Variants in SPOCK1 observed in about 807,000 individuals in gnomAD.
SPOCK1 encodes SPARC (osteonectin), cwcv and kazal like domains proteoglycan 1.
A neutral mutation model predicts 55.3 loss-of-function variants in SPOCK1; 23 were observed. The observed-to-expected ratio is 0.42, with a 90% CI of 0.30 to 0.59. The LOEUF (loss-of-function observed/expected upper bound fraction) is 0.59, where lower values mean the gene tolerates loss of function less well. Among genes scored for constraint, SPOCK1 ranks in the 20% least tolerant of loss-of-function variants. The probability of loss-of-function intolerance (pLI) is 0.22; values close to 1 mark genes in which losing one functional copy is unlikely to be tolerated. For synonymous variants in SPOCK1, 226 were observed against 221.0 expected (o/e 1.02, Z -0.20); for missense variants, 499 against 552.5 (o/e 0.90, Z 0.97).
chr5:137,138,158 T>C (rs768759301), intron 4 of SPOCK1, among the ~76,000 whole-genome samples: 1 of 152,194 alleles, frequency 6.6e-6, no homozygotes, highest in Non-Finnish European at 1.5e-5. Flanking sequence ...CAAGGCCACT[T>C]GGAAAAGGAA....
chr5:137,465,578 A>G (rs1325918609), intron 2 of SPOCK1, among the ~76,000 whole-genome samples: 2 of 152,056 alleles, frequency 1.3e-5, no homozygotes, highest in Non-Finnish European at 2.9e-5. Flanking sequence ...TGCAATACAA[A>G]GTCTGATCTG....
intron 3 of SPOCK1, among the ~76,000 whole-genome samples, chr5:137,181,195 T>A (rs1458767817): frequency 6.6e-6 from 1 of 151,874 alleles, no homozygotes; most frequent in Non-Finnish European, 1.5e-5. Flanking sequence ...TTCCAACAGG[T>A]AGCAATGAGA....
intron 3 of SPOCK1, among the ~76,000 whole-genome samples, chr5:137,160,703 C>CA (rs1302154694): frequency 3.8e-4 from 45 of 117,252 alleles, no homozygotes; most frequent in African/African-American, 1.4e-3. Flanking sequence ...TGGCCATAAT[C>CA]AAAAAATCAA....
At chr5:137,039,697 G>A (rs1372968829) in intron 6 of SPOCK1, among the ~76,000 whole-genome samples, 1 of 152,204 alleles carries the variant, frequency 6.6e-6, no homozygotes, top group African/African-American at 2.4e-5. Context: ...TCAGAGCCCT[G>A]TGTATGATTT....
chr5:137,161,030 T>A (rs1271553957), intron 3 of SPOCK1, among the ~76,000 whole-genome samples: 19 of 143,392 alleles, frequency 1.3e-4, no homozygotes, highest in South Asian at 4.4e-4. Context: ...ATATATATAT[T>A]ACATATATTT....
chr5:137,239,067 G>T (rs1176873334), intron 3 of SPOCK1, among the ~76,000 whole-genome samples: 1 of 152,212 alleles, frequency 6.6e-6, no homozygotes, highest in East Asian at 1.9e-4. Context: ...GGTTTCCAGA[G>T]GAGCCAACCA....
chr5:137,347,694 G>A (rs931252658), intron 2 of SPOCK1, among the ~76,000 whole-genome samples: 4 of 152,040 alleles, frequency 2.6e-5, no homozygotes, highest in African/African-American at 7.3e-5. Flanking sequence ...TCCAGTCTGG[G>A]CAACAGGGCA....
chr5:137,250,244 C>A (rs766833741), intron 3 of SPOCK1, among the ~76,000 whole-genome samples: 1 of 152,182 alleles, frequency 6.6e-6, no homozygotes, highest in African/African-American at 2.4e-5. Context: ...TGTTGCAGCA[C>A]ATATGGACCC....
At chr5:137,315,177 T>C (rs1757856926) in intron 2 of SPOCK1, among the ~76,000 whole-genome samples, 1 of 152,186 alleles carries the variant, frequency 6.6e-6, no homozygotes, top group Non-Finnish European at 1.5e-5. Flanking sequence ...TAGCTAAAAA[T>C]CCATCTCCTT....
intron 3 of SPOCK1, among the ~76,000 whole-genome samples, chr5:137,263,843 CTTAAAGATAACAAG>C (rs1756797829): frequency 6.6e-6 from 1 of 152,132 alleles, no homozygotes; most frequent in South Asian, 2.1e-4. Context: ...TAAAGATTCA[CTTAAAGATAACAAG>C]TTAAAGACAT....
chr5:137,125,518 A>G (rs912777297), intron 4 of SPOCK1, among the ~76,000 whole-genome samples: 1 of 152,174 alleles, frequency 6.6e-6, no homozygotes, highest in African/African-American at 2.4e-5. Context: ...CAAAGGGATT[A>G]GTGCCCTTAT....
At chr5:137,491,371 A>G (rs766649282) in intron 2 of SPOCK1, among the ~76,000 whole-genome samples, 1 of 152,128 alleles carries the variant, frequency 6.6e-6, no homozygotes, top group Non-Finnish European at 1.5e-5. Flanking sequence ...ATCATTTTCA[A>G]TTACTAATAG....
chr5:136,983,192 A>AT (rs1403082996), intron 9 of SPOCK1, among the ~76,000 whole-genome samples: 6 of 152,122 alleles, frequency 3.9e-5, no homozygotes, highest in African/African-American at 1.4e-4. Context: ...GCGTGCTTAC[A>AT]TTTTCAAATT....
At chr5:137,215,766 T>C (rs1755705530) in intron 3 of SPOCK1, among the ~76,000 whole-genome samples, 2 of 152,180 alleles carry the variant, frequency 1.3e-5, no homozygotes, top group South Asian at 4.1e-4. Context: ...TTTTTGTAGA[T>C]TCAGGAACCA....
chr5:137,073,758 G>A (rs1330351030), intron 5 of SPOCK1, among the ~76,000 whole-genome samples: 1 of 152,118 alleles, frequency 6.6e-6, no homozygotes, highest in Non-Finnish European at 1.5e-5. Context: ...AACTCCTCAT[G>A]TAATTAATTG....
chr5:137,033,929 A>G (rs1254758570), intron 6 of SPOCK1, among the ~76,000 whole-genome samples: 2 of 152,182 alleles, frequency 1.3e-5, no homozygotes, highest in African/African-American at 4.8e-5. Context: ...CACTTAGCAT[A>G]TTCCTAATCA....
At chr5:137,285,970 C>G (rs956944710) in intron 2 of SPOCK1, among the ~76,000 whole-genome samples, 4 of 152,116 alleles carry the variant, frequency 2.6e-5, no homozygotes, top group Admixed American at 1.3e-4. Flanking sequence ...TCTTTTTAAC[C>G]CCTCCTTTAA....
At chr5:137,289,606 C>G (rs1020512846) in intron 2 of SPOCK1, among the ~76,000 whole-genome samples, 1 of 152,162 alleles carries the variant, frequency 6.6e-6, no homozygotes, top group African/African-American at 2.4e-5. Flanking sequence ...GCTGTATATC[C>G]TGCTCAACAA....
Position 137,171,285 on chromosome 5 carries a change from G to A in SPOCK1, c.233-30591C>T, listed in dbSNP as rs556483468. ...TTCTACACACATGGAAAGGCACATG[G>A]TCCTCTCTGCCACTCTTGCATATCT... On this transcript the variant is annotated intron_variant, in intron 3 of 10. Coordinates refer to ENST00000394945, the MANE Select transcript of SPOCK1 (RefSeq NM_004598.4). Among the ~76,000 whole-genome samples the A allele has an allele frequency of 3.3e-5, 5 of 152,236 alleles. No individual in the cohort carries two copies. In the East Asian group the frequency reaches 7.7e-4, roughly 24 times the overall value.
Sources: gnomAD v4.1 joint callset for allele counts (sites outside exome capture counted in the v4.1 genomes callset) on GRCh38, gnomAD v4.1.1 for gene constraint, MANE v1.5 for transcripts, NCBI Gene and HGNC (gene_info 2026-07-23, HGNC 2026-07-21) for gene names.